Variants in CNTN5 observed in about 807,000 individuals in gnomAD.
CNTN5 encodes the protein contactin 5.
A neutral mutation model predicts 129.1 loss-of-function variants in CNTN5; 77 were observed. The observed-to-expected ratio is 0.60, with a 90% CI of 0.50 to 0.72. The LOEUF (loss-of-function observed/expected upper bound fraction) is 0.72, where lower values mean the gene tolerates loss of function less well. CNTN5 is among the 30% of genes least tolerant of loss of function. The pLI is 0.00. For missense variants in CNTN5, 1,478 were observed against 1,328.8 expected (o/e 1.11, Z -1.75); for synonymous variants, 509 against 465.6 (o/e 1.09, Z -1.20).
intron 2 of CNTN5, among the ~76,000 whole-genome samples, chr11:99,432,568 C>A (rs1591047484): frequency 1.3e-5 from 2 of 149,826 alleles, no homozygotes; most frequent in African/African-American, 4.9e-5. Flanking sequence ...GAGAACATGT[C>A]AGGAAGTGTT....
At chr11:100,050,636 TAAAAA>T (rs569259073) in intron 9 of CNTN5, among the ~76,000 whole-genome samples, 5 of 148,932 alleles carry the variant, frequency 3.4e-5, no homozygotes, top group East Asian at 2.0e-4. Context: ...AATAATAAAA[TAAAAA>T]AAAGAAATGA....
At chr11:99,046,061 T>C (rs1312427343) in intron 1 of CNTN5, among the ~76,000 whole-genome samples, 1 of 152,110 alleles carries the variant, frequency 6.6e-6, no homozygotes, top group East Asian at 1.9e-4. Context: ...GAGTGAGACC[T>C]GGTGCGGTGG....
intron 1 of CNTN5, among the ~76,000 whole-genome samples, chr11:99,074,770 G>A (rs17132912): frequency 0.18 from 27,271 of 152,120 alleles, 3,608 homozygotes; most frequent in East Asian, 0.47. Flanking sequence ...ATTTCAACAA[G>A]CTTTTCTTGA....
intron 2 of CNTN5, among the ~76,000 whole-genome samples, chr11:99,482,635 G>A (rs368529115): frequency 7.2e-5 from 11 of 151,970 alleles, no homozygotes; most frequent in African/African-American, 1.9e-4. Flanking sequence ...AACCGAAATC[G>A]CTTTTCAAAA....
At chr11:99,396,205 A>C (rs966537422) in intron 2 of CNTN5, among the ~76,000 whole-genome samples, 2 of 151,032 alleles carry the variant, frequency 1.3e-5, no homozygotes, top group African/African-American at 4.8e-5. Flanking sequence ...TGTTTGTGTC[A>C]ATGAGATAAT....
intron 2 of CNTN5, among the ~76,000 whole-genome samples, chr11:99,373,792 T>A (rs1939983403): frequency 6.6e-6 from 1 of 150,788 alleles, no homozygotes; most frequent in Non-Finnish European, 1.5e-5. Context: ...AACAAAATAA[T>A]ATATACAATT....
intron 1 of CNTN5, among the ~76,000 whole-genome samples, chr11:99,032,274 A>G (rs1206412207): frequency 2.6e-5 from 4 of 151,886 alleles, no homozygotes; most frequent in Non-Finnish European, 5.9e-5. Context: ...TCCTTTGGGT[A>G]TATAGCCAGT....
chr11:99,272,623 T>C (rs1863228666), intron 1 of CNTN5, among the ~76,000 whole-genome samples: 1 of 151,786 alleles, frequency 6.6e-6, no homozygotes, highest in African/African-American at 2.4e-5. Context: ...CATTTAGATA[T>C]ATCCTGTTAC....
At chr11:99,810,937 T>G (rs573274655) in intron 3 of CNTN5, among the ~76,000 whole-genome samples, 1 of 152,132 alleles carries the variant, frequency 6.6e-6, no homozygotes, top group South Asian at 2.1e-4. Flanking sequence ...GTCTGACATA[T>G]AAGTTGATGA....
chr11:99,907,067 A>G (rs1230409134), intron 6 of CNTN5, among the ~76,000 whole-genome samples: 4 of 152,042 alleles, frequency 2.6e-5, no homozygotes, highest in Non-Finnish European at 5.9e-5. Context: ...TTTTCAAAAA[A>G]ACAGCTCCTA....
At chr11:99,998,317 C>G (rs1330838525) in intron 8 of CNTN5, among the ~76,000 whole-genome samples, 3 of 151,320 alleles carry the variant, frequency 2.0e-5, no homozygotes, top group Non-Finnish European at 2.9e-5. Context: ...TCTCAGGATA[C>G]AAAATCAATG....
chr11:99,221,508 G>A (rs180976599), intron 1 of CNTN5, among the ~76,000 whole-genome samples: 1 of 151,944 alleles, frequency 6.6e-6, no homozygotes, highest in East Asian at 1.9e-4. Flanking sequence ...TGACATAAAT[G>A]TCACATGAAT....
At chr11:99,644,502 G>A in intron 3 of CNTN5, among the ~76,000 whole-genome samples, 1 of 152,020 alleles carries the variant, frequency 6.6e-6, no homozygotes, top group East Asian at 1.9e-4. Flanking sequence ...TTTCAAATGG[G>A]CAAAACGATG....
At chr11:100,020,705 A>C (rs899147176) in intron 9 of CNTN5, among the ~76,000 whole-genome samples, 1 of 152,144 alleles carries the variant, frequency 6.6e-6, no homozygotes, top group African/African-American at 2.4e-5. Context: ...AAGCTATTAG[A>C]ACCAATAAAC....
chr11:99,336,036 A>AT (rs1331500527), intron 2 of CNTN5, among the ~76,000 whole-genome samples: 1 of 149,648 alleles, frequency 6.7e-6, no homozygotes, highest in African/African-American at 2.4e-5. Flanking sequence ...TTATTCTTGG[A>AT]TAAAAAAAAA....
intron 2 of CNTN5, among the ~76,000 whole-genome samples, chr11:99,437,454 A>G (rs139042460): frequency 0.021 from 3,193 of 152,354 alleles, 118 homozygotes; most frequent in African/African-American, 0.071. Flanking sequence ...TTTTAAGGTC[A>G]ATAGCAGAAA....
intron 1 of CNTN5, among the ~76,000 whole-genome samples, chr11:99,052,344 G>A (rs1366705400): frequency 2.0e-5 from 3 of 151,664 alleles, no homozygotes; most frequent in Non-Finnish European, 4.4e-5. Context: ...ACATATATAT[G>A]GTCATCCCAT....
chr11:99,795,263 G>C (rs1280250448), intron 3 of CNTN5, among the ~76,000 whole-genome samples: 1 of 152,110 alleles, frequency 6.6e-6, no homozygotes, highest in Non-Finnish European at 1.5e-5. Context: ...GAGTTTTTCA[G>C]CTCTAGCAGA....
At chr11:99,185,163 G>A (rs4633425) in intron 1 of CNTN5, among the ~76,000 whole-genome samples, 139,508 of 151,912 alleles carry the variant, frequency 0.92, 64,149 homozygotes, top group East Asian at 1. Context: ...AGAAAAAAAG[G>A]AAAAGACTTT....
Sources: allele counts gnomAD v4.1 joint callset (sites outside exome capture counted in the v4.1 genomes callset), GRCh38; gene constraint gnomAD v4.1.1; transcripts MANE v1.5; gene names NCBI Gene and HGNC (gene_info 2026-07-23, HGNC 2026-07-21).